SMARCC1: variants seen among roughly 807,000 people sequenced by gnomAD.
SMARCC1 encodes SWI/SNF complex subunit SMARCC1.
A neutral mutation model predicts 147.4 loss-of-function variants in SMARCC1; 43 were observed. That is an observed-to-expected ratio of 0.29 (90% CI 0.23 to 0.38). The LOEUF (loss-of-function observed/expected upper bound fraction) is 0.38. Ranked by LOEUF, SMARCC1 falls within the 10% of genes least tolerant of loss-of-function variation. SMARCC1 has a pLI of 1.00. For missense variants in SMARCC1, 1,119 were observed against 1,381.1 expected (o/e 0.81, Z 3.01); for synonymous variants, 495 against 484.4 (o/e 1.02, Z -0.29).
chr3:47,682,488 C>T (rs1286982353), intron 14 of SMARCC1, among the ~76,000 whole-genome samples: 2 of 152,036 alleles, frequency 1.3e-5, no homozygotes, highest in Non-Finnish European at 2.9e-5. Context: ...TATGTTTGGG[C>T]TCAAGCGACC....
chr3:47,672,915 A>T (rs2033519377), intron 18 of SMARCC1, among the ~76,000 whole-genome samples: 1 of 151,926 alleles, frequency 6.6e-6, no homozygotes, highest in Non-Finnish European at 1.5e-5. Context: ...AGTAGCTGGA[A>T]TTACAGGCAG....
chr3:47,672,017 A>G (rs1239932765), intron 18 of SMARCC1, among the ~76,000 whole-genome samples: 1 of 152,212 alleles, frequency 6.6e-6, no homozygotes, highest in Non-Finnish European at 1.5e-5. Context: ...CATTCAATTC[A>G]TAGCATTCTG....
At chr3:47,775,680 G>A (rs2034965703) in intron 1 of SMARCC1, among the ~76,000 whole-genome samples, 1 of 151,738 alleles carries the variant, frequency 6.6e-6, no homozygotes, top group Non-Finnish European at 1.5e-5. Flanking sequence ...GCTGAGGGAG[G>A]AGAATCGCTT....
rs1346100344 is a variant in SMARCC1, at chr3:47,673,410, C to G, written c.1839+2065G>C. Among the ~76,000 whole-genome samples the G allele has an allele frequency of 2.2e-3, 114 of 51,536 alleles. 3 individuals are homozygous for G. The highest frequency in any genetic ancestry group is 3.8e-3 in the Admixed American group (11 of 2,878). 33.8% of individuals were successfully genotyped at this position (51,536 alleles called of 152,430 possible). A position where few individuals can be genotyped will look rare whatever the true frequency, so the allele number is the denominator to read the frequency against. On this transcript the variant is annotated intron_variant, in intron 18 of 27. Coordinates refer to ENST00000254480, the MANE Select transcript of SMARCC1 (RefSeq NM_003074.4). ...CAAAAAAAAAAGGGTGGGGGGGGGG[C>G]AGGCCAGTGGCTCAGGCCTGTAATC...
chr3:47,734,038 TAC>T (rs1362454271), intron 5 of SMARCC1, among the ~76,000 whole-genome samples: 1 of 152,000 alleles, frequency 6.6e-6, no homozygotes, highest in African/African-American at 2.4e-5. Flanking sequence ...TATACAGACA[TAC>T]ACACACGTAT....
chr3:47,604,251 A>G (rs1421044344), intron 26 of SMARCC1: 2 of 456,682 alleles, frequency 4.4e-6, no homozygotes, highest in East Asian at 1.4e-4. Flanking sequence ...CATGTAACTT[A>G]TCTGCATACT....
chr3:47,706,330 C>A, intron 10 of SMARCC1, 79 bp downstream of exon 10: 1 of 1,351,688 alleles, frequency 7.4e-7, no homozygotes, highest in Non-Finnish European at 9.6e-7. Context: ...CCTCAGCCTC[C>A]AAAAGTGCTG....
At chr3:47,763,640 ATTTTT>A (rs573413582) in intron 2 of SMARCC1, among the ~76,000 whole-genome samples, 30 of 148,614 alleles carry the variant, frequency 2.0e-4, no homozygotes, top group Admixed American at 1.7e-3. Flanking sequence ...CCCAGCTGAG[ATTTTT>A]TTTTTAAGAA....
intron 24 of SMARCC1, 102 bp downstream of exon 24, chr3:47,635,088 T>G: frequency 2.0e-6 from 2 of 1,005,452 alleles, no homozygotes; most frequent in Non-Finnish European, 3.0e-6. Context: ...TCATCTCCTA[T>G]TGGGAGCAAA....
At chr3:47,596,807 G>C (rs1175833610) in intron 26 of SMARCC1, among the ~76,000 whole-genome samples, 2 of 151,960 alleles carry the variant, frequency 1.3e-5, no homozygotes, top group Non-Finnish European at 2.9e-5. Flanking sequence ...AGAAGTATGG[G>C]CTGAATGTCA....
chr3:47,642,536 G>T (rs2033061813), intron 21 of SMARCC1, among the ~76,000 whole-genome samples: 3 of 152,106 alleles, frequency 2.0e-5, no homozygotes, highest in Non-Finnish European at 4.4e-5. Flanking sequence ...GTTGCAGTGA[G>T]CCGAGATTGC....
At chr3:47,726,192 A>G (rs1046681900) in intron 6 of SMARCC1, among the ~76,000 whole-genome samples, 2 of 151,716 alleles carry the variant, frequency 1.3e-5, no homozygotes, top group Non-Finnish European at 2.9e-5. Flanking sequence ...CCAGGAGTTC[A>G]ACACCAGCCT....
intron 2 of SMARCC1, among the ~76,000 whole-genome samples, chr3:47,759,795 G>A (rs1576433844): frequency 6.9e-6 from 1 of 144,190 alleles, no homozygotes; most frequent in Non-Finnish European, 1.5e-5. Context: ...AAATTAGCTG[G>A]GTGTGGTGGC....
intron 3 of SMARCC1, among the ~76,000 whole-genome samples, chr3:47,744,451 G>T (rs958289057): frequency 2.0e-5 from 3 of 152,088 alleles, no homozygotes; most frequent in Non-Finnish European, 4.4e-5. Flanking sequence ...ATGTAAGTTT[G>T]TATCTCCTAC....
chr3:47,717,276 A>G (rs1342925554), intron 7 of SMARCC1, among the ~76,000 whole-genome samples: 6 of 152,204 alleles, frequency 3.9e-5, no homozygotes, highest in Non-Finnish European at 7.3e-5. Flanking sequence ...CTACCAATTT[A>G]AGGGAAATAC....
At chr3:47,747,264 T>C (rs2034574559) in intron 2 of SMARCC1, among the ~76,000 whole-genome samples, 1 of 151,380 alleles carries the variant, frequency 6.6e-6, no homozygotes, top group Admixed American at 6.6e-5. Flanking sequence ...TGAAACCCCG[T>C]CTCAACAAAA....
intron 1 of SMARCC1, among the ~76,000 whole-genome samples, chr3:47,780,644 G>C (rs1315397803): frequency 6.6e-6 from 1 of 152,174 alleles, no homozygotes; most frequent in African/African-American, 2.4e-5. Context: ...ATAAGTATCA[G>C]CCACGTTCCC....
intron 6 of SMARCC1, among the ~76,000 whole-genome samples, chr3:47,726,180 T>C (rs2034298479): frequency 6.6e-6 from 1 of 150,894 alleles, no homozygotes; most frequent in African/African-American, 2.4e-5. Flanking sequence ...GACTGCTTGA[T>C]ACCAGGAGTT....
intron 25 of SMARCC1, among the ~76,000 whole-genome samples, chr3:47,616,034 G>C (rs974438704): frequency 6.6e-6 from 1 of 152,214 alleles, no homozygotes; most frequent in Non-Finnish European, 1.5e-5. Context: ...CAGAGAGACA[G>C]ACAACATTTA....
Sources: gnomAD v4.1 joint callset for allele counts (sites outside exome capture counted in the v4.1 genomes callset) on GRCh38, gnomAD v4.1.1 for gene constraint, MANE v1.5 for transcripts, NCBI Gene and HGNC (gene_info 2026-07-23, HGNC 2026-07-21) for gene names.